Variants in ALDH2 observed in about 807,000 individuals in gnomAD.
ALDH2 encodes aldehyde dehydrogenase, mitochondrial.
In ALDH2, 44 loss-of-function variants were observed where a neutral mutation model predicts 59.6. The ratio of observed to expected loss-of-function variants is 0.74; its 90% CI spans 0.58 to 0.95. ALDH2 has a LOEUF of 0.95. Ranked by LOEUF, ALDH2 falls within the 40% of genes least tolerant of loss-of-function variation. The pLI is 0.00. For missense variants in ALDH2, 570 were observed against 696.3 expected (o/e 0.82, Z 2.04); for synonymous variants, 291 against 284.0 (o/e 1.02, Z -0.25).
chr12:111,809,339 C>T (rs1025834629), intron 12 of ALDH2, among the ~76,000 whole-genome samples: 1 of 152,122 alleles, frequency 6.6e-6, no homozygotes, highest in Non-Finnish European at 1.5e-5. Context: ...CCTGTAGTCC[C>T]AGCTACTTGG....
intron 11 of ALDH2, among the ~76,000 whole-genome samples, chr12:111,802,766 G>C (rs1299393813): frequency 1.3e-5 from 2 of 150,906 alleles, no homozygotes; most frequent in Non-Finnish European, 2.9e-5. Context: ...TGTAGTCCCA[G>C]CTACTCGGGA....
At chr12:111,801,930 T>C (rs948104798) in intron 11 of ALDH2, among the ~76,000 whole-genome samples, 2 of 152,098 alleles carry the variant, frequency 1.3e-5, no homozygotes, top group African/African-American at 4.8e-5. Context: ...ACTGTGAATA[T>C]GCTGTCAACC....
intron 11 of ALDH2, among the ~76,000 whole-genome samples, chr12:111,802,923 T>C (rs959555758): frequency 1.3e-4 from 19 of 146,930 alleles, no homozygotes; most frequent in Admixed American, 1.2e-3. Flanking sequence ...CCAAGCGTGG[T>C]GGCTCACACC....
chr12:111,781,837 GT>G (rs367991848), intron 1 of ALDH2, 80 bp from the exon 2 acceptor site: 13,011 of 858,208 alleles, frequency 0.015, 9 homozygotes, highest in South Asian at 0.035. Flanking sequence ...GCTTTTTCTT[GT>G]TTTTTTTTTT....
Position 111,809,739 on chromosome 12 carries a change from G to A in ALDH2, c.*164G>A. ...TCTAGAATTTGAATTGATAAACATG[G>A]TGGGTTGGCTGAGGGTAAGAGTATA... On this transcript the variant is annotated 3_prime_UTR_variant, in exon 13 of 13. Transcript: ENST00000261733. 4 of 758,810 alleles carry A rather than the reference G, an allele frequency of 5.3e-6. No homozygotes were observed. The South Asian group carries it at 7.0e-5, about 13-fold the overall frequency. 47.0% of individuals were successfully genotyped at this position (758,810 alleles called of 1,614,324 possible).
intron 3 of ALDH2, 93 bp downstream of exon 3, chr12:111,783,391 A>G: frequency 6.8e-7 from 1 of 1,467,602 alleles, no homozygotes; most frequent in Non-Finnish European, 9.2e-7. Context: ...TCCTGTGAAC[A>G]GCCAGGGAAC....
intron 11 of ALDH2, among the ~76,000 whole-genome samples, chr12:111,801,757 T>C (rs1463093923): frequency 2.6e-5 from 4 of 151,436 alleles, no homozygotes; most frequent in African/African-American, 2.4e-5. Context: ...TTTACAGTAT[T>C]ATAAATATCT....
intron 11 of ALDH2, among the ~76,000 whole-genome samples, chr12:111,803,084 G>A (rs7397491): frequency 0.07 from 10,595 of 150,392 alleles, 1,448 homozygotes; most frequent in East Asian, 0.61. Context: ...CCAGCTACTC[G>A]GGAGGCTGGA....
At chr12:111,801,223 TACTC>T (rs1471406115) in intron 11 of ALDH2, among the ~76,000 whole-genome samples, 2 of 152,174 alleles carry the variant, frequency 1.3e-5, no homozygotes, top group African/African-American at 4.8e-5. Flanking sequence ...TTGTGAGACT[TACTC>T]ACTGTCACAA....
At chr12:111,777,390 G>A (rs1034524092) in intron 1 of ALDH2, among the ~76,000 whole-genome samples, 2 of 152,162 alleles carry the variant, frequency 1.3e-5, no homozygotes, top group African/African-American at 4.8e-5. Flanking sequence ...TCCTCCCTGG[G>A]TGGGGGAGGA....
chr12:111,779,816 T>C (rs146204588), intron 1 of ALDH2, among the ~76,000 whole-genome samples: 2 of 152,322 alleles, frequency 1.3e-5, no homozygotes, highest in Non-Finnish European at 2.9e-5. Context: ...TGCTGGGAGA[T>C]GTCTTCTCTG....
chr12:111,781,160 A>G (rs767815259), intron 1 of ALDH2, among the ~76,000 whole-genome samples: 1 of 152,130 alleles, frequency 6.6e-6, no homozygotes, highest in Non-Finnish European at 1.5e-5. Flanking sequence ...TCTCACAACA[A>G]ATTTGTGTGG....
rs2068534537 is a variant in ALDH2 at position 111,811,404 on chromosome 12, T to C, written c.*1829T>C. 1 of 151,430 alleles carries C rather than the reference T, an allele frequency of 6.6e-6. No homozygotes were observed. Among genetic ancestry groups the C allele is most frequent in the Non-Finnish European group, 1.5e-5 (1 of 67,956 alleles). 9.4% of individuals were successfully genotyped at this position (151,430 alleles called of 1,614,324 possible). On this transcript the variant is annotated 3_prime_UTR_variant, in exon 13 of 13. Transcript: ENST00000261733. ...ATGGAAGCTGGGTTCAAGAGGGCAA[T>C]CAGCAGTCTCTACCATCATGTGAAA... is the stretch of plus-strand genomic sequence containing the variant.
intron 7 of ALDH2, 34 bp downstream of exon 7, chr12:111,791,453 CTT>C: frequency 6.6e-7 from 1 of 1,523,704 alleles, no homozygotes; most frequent in Non-Finnish European, 9.0e-7. Context: ...TTGCAGCCTC[CTT>C]GGCCCAAGCT....
chr12:111,785,495 A>G, intron 4 of ALDH2, 149 bp downstream of exon 4: 1 of 682,672 alleles, frequency 1.5e-6, no homozygotes, highest in South Asian at 1.7e-5. Context: ...AGGCTGAGCC[A>G]GGTGGATTAC....
rs1283643335 is a variant in ALDH2, at chr12:111,789,807, G to A, written c.441-16G>A. 1.9e-6 allele frequency: 3 copies of A among 1,607,002 alleles called. No individual in the cohort carries two copies. The highest frequency in any genetic ancestry group is 1.6e-4 in the Middle Eastern group (1 of 6,074). ...GACAATCATTGATTCGAGCTTGAAC[G>A]TTTCTTTGTTTAAAGGTATTATGCC... is the stretch of plus-strand genomic sequence containing the variant. On this transcript the variant is annotated splice_polypyrimidine_tract_variant and intron_variant, in intron 4 of 12. Coordinates refer to ENST00000261733, the MANE Select transcript of ALDH2 (RefSeq NM_000690.4).
At chr12:111,782,447 C>T (rs774453158) in intron 2 of ALDH2, among the ~76,000 whole-genome samples, 1 of 152,230 alleles carries the variant, frequency 6.6e-6, no homozygotes, top group Non-Finnish European at 1.5e-5. Context: ...TGGCCGGGCG[C>T]AGTGGCGCAG....
In ALDH2 at chr12:111,798,157, GGGGCA is replaced by G; in HGVS notation, c.1164_1168del (p.Gly389CysfsTer3). On this transcript the variant is annotated frameshift_variant, in exon 10 of 13. Transcript: ENST00000261733. LOFTEE classifies it high-confidence loss of function. ...GAGGGGGCGAAGCTGCTGTGTGGTG[GGGGCA>G]TTGCTGCTGACCGTGGTTACTTCAT... is the stretch of plus-strand genomic sequence containing the variant. 1 of 1,613,066 alleles carries G rather than the reference GGGGCA, an allele frequency of 6.2e-7. No individual in the cohort carries two copies. The highest frequency in any genetic ancestry group is 8.5e-7 in the Non-Finnish European group (1 of 1,179,478).
At chr12:111,793,772 G>C (rs1170553892) in intron 9 of ALDH2, among the ~76,000 whole-genome samples, 1 of 151,568 alleles carries the variant, frequency 6.6e-6, no homozygotes, top group South Asian at 2.1e-4. Context: ...TTTTAGTAGA[G>C]ACAGGGTTTC....
Sources: allele counts gnomAD v4.1 joint callset (sites outside exome capture counted in the v4.1 genomes callset), GRCh38; gene constraint gnomAD v4.1.1; transcripts MANE v1.5; gene names NCBI Gene and HGNC (gene_info 2026-07-23, HGNC 2026-07-21).